CYP2B6: variants seen among roughly 807,000 people sequenced by gnomAD.
CYP2B6 encodes cytochrome P450 2B6.
CYP2B6 carries 35 observed loss-of-function variants against 43.4 expected under a neutral mutation model. The observed-to-expected ratio is 0.81, with a 90% CI of 0.62 to 1.07. The LOEUF (loss-of-function observed/expected upper bound fraction) is 1.07, where lower values mean the gene tolerates loss of function less well. Ranked by LOEUF, CYP2B6 falls within the 50% of genes least tolerant of loss-of-function variation. CYP2B6 has a pLI of 0.00. For missense variants in CYP2B6, 624 were observed against 632.8 expected, an observed-to-expected ratio of 0.99 and a Z score of 0.15; for synonymous variants, 239 against 239.2, an observed-to-expected ratio of 1.00 and a Z score of 0.01.
At chr19:40,991,602 C>CGGAGCATGGT in intron 1 of CYP2B6, 126 bp downstream of exon 1, 1 of 980,070 alleles carries the variant, frequency 1.0e-6, no homozygotes, top group Non-Finnish European at 1.6e-6. Flanking sequence ...TTGGTGAGTA[C>CGGAGCATGGT]GGAGCATGGT....
At chr19:40,998,449 T>A (rs1969030379) in intron 1 of CYP2B6, among the ~76,000 whole-genome samples, 3 of 152,028 alleles carry the variant, frequency 2.0e-5, no homozygotes, top group African/African-American at 7.2e-5. Context: ...ATACTTTAAG[T>A]TTTAGGGTAC....
chr19:40,998,468 A>T (rs1467685476), intron 1 of CYP2B6, among the ~76,000 whole-genome samples: 2 of 151,270 alleles, frequency 1.3e-5, no homozygotes, highest in Non-Finnish European at 1.5e-5. Context: ...ACATGTGCAC[A>T]TTGTGCAGGT....
At chr19:41,014,055 T>A (rs1303844306) in intron 8 of CYP2B6, among the ~76,000 whole-genome samples, 1 of 152,200 alleles carries the variant, frequency 6.6e-6, no homozygotes, top group Non-Finnish European at 1.5e-5. Context: ...CATTACAATT[T>A]GTTATGTAGG....
rs1969402366 is a variant in CYP2B6 at position 41,018,316 on chromosome 19, G to C, written c.*1489G>C. On this transcript the variant is annotated 3_prime_UTR_variant, in exon 9 of 9. Transcript: ENST00000324071. ...TCCCTGAGCTGTGGGATTCTGCACTGGTGCTTTGGATTCCCTGATATGTTC... is the reference window on the plus strand; with the variant it reads ...TCCCTGAGCTGTGGGATTCTGCACTCGTGCTTTGGATTCCCTGATATGTTC... 6.6e-6 allele frequency: 1 copy of C among 152,232 alleles called. No homozygotes were observed. Among genetic ancestry groups the C allele is most frequent in the African/African-American group, 2.4e-5 (1 of 41,444 alleles). The allele number at this position is 152,232 out of a possible 1,614,324, so 9.4% of individuals were successfully genotyped here.
chr19:41,014,385 A>G (rs948557540), intron 8 of CYP2B6, among the ~76,000 whole-genome samples: 2 of 151,730 alleles, frequency 1.3e-5, no homozygotes. Flanking sequence ...AGCTCACTGC[A>G]ACCTCTGCCT....
chr19:40,991,411 C>G lies in CYP2B6; in HGVS notation c.106C>G (p.Pro36Ala). 2 of 1,614,072 alleles carry G rather than the reference C, an allele frequency of 1.2e-6. No homozygotes were observed. The highest frequency in any genetic ancestry group is 1.7e-6 in the Non-Finnish European group (2 of 1,180,032). Residue 36 changes from proline to alanine, a missense_variant, in exon 1 of 9, where the codon CCT becomes GCT. By Grantham distance (27) the Pro-to-Ala change is conservative. Coordinates refer to ENST00000324071, the MANE Select transcript of CYP2B6 (RefSeq NM_000767.5). The stretch of plus-strand genomic sequence containing the variant: ...TGACCGCCTCCCACCAGGGCCCCGC[C>G]CTCTGCCCCTTTTGGGAAACCTTCT... ...THDRLPPGPR[P>A]LPLLGNLLQM...
Position 41,016,670 on chromosome 19 carries a change from G to C in CYP2B6, c.1319G>C (p.Gly440Ala), listed in dbSNP as rs758789145. 1 of 1,614,036 alleles carries C rather than the reference G, an allele frequency of 6.2e-7. No homozygotes were observed. Among genetic ancestry groups the C allele is most frequent in the Non-Finnish European group, 8.5e-7 (1 of 1,180,004 alleles). ...SLGKRICLGEGIARAELFLFF... is the reference protein window; with the variant it reads ...SLGKRICLGEAIARAELFLFF... ...GGGAAGCGGATTTGTCTTGGTGAAG[G>C]CATCGCCCGTGCGGAATTGTTCCTC... is the stretch of plus-strand genomic sequence containing the variant. Residue 440 changes from glycine (G) to alanine (A), a missense_variant, in exon 9 of 9, where the codon GGC becomes GCC. Transcript: ENST00000324071.
intron 8 of CYP2B6, among the ~76,000 whole-genome samples, chr19:41,016,438 A>AGC: frequency 7.9e-6 from 1 of 127,254 alleles, no homozygotes; most frequent in Middle Eastern, 4.4e-3. Flanking sequence ...AAAAAAAGAG[A>AGC]GAGAGAGAAA....
chr19:40,999,234 T>C (rs1969044229), intron 1 of CYP2B6, among the ~76,000 whole-genome samples: 3 of 152,176 alleles, frequency 2.0e-5, no homozygotes, highest in South Asian at 4.1e-4. Context: ...TTTTGAAAAG[T>C]GTCTGTTCAT....
Position 41,012,724 on chromosome 19 carries a change from C to T in CYP2B6, c.1203C>T (p.Tyr401=). The change falls in exon 8 of 9, where the codon TAC becomes TAT. Residue 401 remains tyrosine (Y), a synonymous_variant. Coordinates refer to ENST00000324071, the MANE Select transcript of CYP2B6 (RefSeq NM_000767.5). The part of the protein sequence containing the change: ...ILSTALHDPH[Y]FEKPDAFNPD... ...GCACTGCTCTCCATGACCCACACTACTTTGAAAAACCAGACGCCTTCAATC... is the reference window on the plus strand; with the variant it reads ...GCACTGCTCTCCATGACCCACACTATTTTGAAAAACCAGACGCCTTCAATC... 1 of 1,614,162 alleles carries T rather than the reference C, an allele frequency of 6.2e-7. No individual in the cohort carries two copies.
chr19:40,998,555 C>T (rs1335640771), intron 1 of CYP2B6, among the ~76,000 whole-genome samples: 29 of 139,622 alleles, frequency 2.1e-4, no homozygotes, highest in Non-Finnish European at 4.0e-4. Context: ...GTATATCTCC[C>T]AATGCTATCC....
chr19:41,013,379 T>C (rs888887136), intron 8 of CYP2B6, among the ~76,000 whole-genome samples: 44 of 152,242 alleles, frequency 2.9e-4, no homozygotes, highest in South Asian at 1.0e-3. Flanking sequence ...TAGGAAATAG[T>C]AGCTAATCTT....
At chr19:41,008,119 A>G (rs1568561409) in intron 4 of CYP2B6, among the ~76,000 whole-genome samples, 1 of 152,074 alleles carries the variant, frequency 6.6e-6, no homozygotes, top group Non-Finnish European at 1.5e-5. Context: ...ACAAAATACT[A>G]AAATGTCTCC....
At chr19:40,996,891 T>A (rs879583105) in intron 1 of CYP2B6, among the ~76,000 whole-genome samples, 9 of 152,116 alleles carry the variant, frequency 5.9e-5, no homozygotes, top group African/African-American at 1.9e-4. Flanking sequence ...GGTAATTTGA[T>A]GGTGCCATTG....
rs576595667 is a variant in CYP2B6, at chr19:41,012,583, G to C, written c.1153-91G>C. ...TTTGTTAGCTCCTTAATTGAGTCCC[G>C]TTGTTTTTGTTTTTTGTATTTCTTT... is the stretch of plus-strand genomic sequence containing the variant. On this transcript the variant is annotated intron_variant, in intron 7 of 8. Transcript: ENST00000324071. The C allele has an allele frequency of 2.5e-6, 4 of 1,609,682 alleles. No homozygotes were observed. In the African/African-American group the frequency reaches 4.0e-5, roughly 16 times the overall value.
At chr19:41,004,270 C>A (rs1402439553) in intron 2 of CYP2B6, 27 bp from the exon 3 acceptor site, 2 of 1,613,846 alleles carry the variant, frequency 1.2e-6, no homozygotes, top group Non-Finnish European at 1.7e-6. Context: ...TCTTCTACAA[C>A]CAACCCACAC....
Position 40,992,265 on chromosome 19 carries a change from GC to G in CYP2B6, c.171+790del, listed in dbSNP as rs1568556375. Among the ~76,000 whole-genome samples the G allele has an allele frequency of 3.3e-5, 5 of 150,674 alleles. No individual in the cohort carries two copies. The South Asian group carries it at 1.1e-3, about 32-fold the overall frequency. On this transcript the variant is annotated intron_variant, in intron 1 of 8. Transcript: ENST00000324071. ...GGTTGCAGTTCACTCTACAGAGAGA[GC>G]TTTAGGTCAAATTTAATTTAATTAA...
Position 41,004,323 on chromosome 19 carries a change from T to G in CYP2B6, c.361T>G (p.Trp121Gly). 1 of 1,613,946 alleles carries G rather than the reference T, an allele frequency of 6.2e-7. No homozygotes were observed. The highest frequency in any genetic ancestry group is 8.5e-7 in the Non-Finnish European group (1 of 1,180,014). ...TGTGATCTTTGCCAATGGAAACCGC[T>G]GGAAGGTGCTTCGGCGATTCTCTGT... ...YGVIFANGNRWKVLRRFSVTT... is the reference protein window; with the variant it reads ...YGVIFANGNRGKVLRRFSVTT... Residue 121 changes from tryptophan to glycine, a missense_variant, in exon 3 of 9, where the codon TGG becomes GGG. By Grantham distance (184) the Trp-to-Gly change is radical (BLOSUM62 -2). Transcript: ENST00000324071.
chr19:40,994,781 T>C (rs1968976857), intron 1 of CYP2B6, among the ~76,000 whole-genome samples: 1 of 152,184 alleles, frequency 6.6e-6, no homozygotes, highest in Non-Finnish European at 1.5e-5. Flanking sequence ...GATTATGTTA[T>C]TAGCTAGTTA....
Sources: allele counts gnomAD v4.1 joint callset (sites outside exome capture counted in the v4.1 genomes callset), GRCh38; gene constraint gnomAD v4.1.1; transcripts MANE v1.5; gene names NCBI Gene and HGNC (gene_info 2026-07-23, HGNC 2026-07-21).